The following ESYT2 variants were observed in gnomAD, a reference collection of about 807,000 sequenced individuals.
ESYT2 encodes the protein extended synaptotagmin 2.
In ESYT2, 54 loss-of-function variants were observed where a neutral mutation model predicts 107.2. The observed-to-expected ratio is 0.50, with a 90% CI of 0.40 to 0.63. The LOEUF is 0.63. Among genes scored for constraint, ESYT2 ranks in the 30% least tolerant of loss-of-function variants. The pLI is 0.00. For synonymous variants in ESYT2, 491 were observed against 434.1 expected (o/e 1.13, Z -1.63); for missense variants, 1,020 against 1,094.5 (o/e 0.93, Z 0.96).
intron 6 of ESYT2, among the ~76,000 whole-genome samples, chr7:158,778,801 G>A (rs1175663734): frequency 6.6e-6 from 1 of 151,416 alleles, no homozygotes; most frequent in Non-Finnish European, 1.5e-5. Flanking sequence ...CGTGTATAAA[G>A]GTGCTATGTA....
At chr7:158,797,584 G>A (rs561937433) in intron 3 of ESYT2, among the ~76,000 whole-genome samples, 36 of 152,142 alleles carry the variant, frequency 2.4e-4, no homozygotes, top group South Asian at 2.1e-4. Context: ...GGCCAGGCGC[G>A]GTGGCTCACA....
chr7:158,745,216 C>T (rs1587379043), intron 16 of ESYT2, among the ~76,000 whole-genome samples: 2 of 143,588 alleles, frequency 1.4e-5, no homozygotes, highest in Non-Finnish European at 3.1e-5. Context: ...TCTAATGAGA[C>T]AGGGTCAGGC....
intron 15 of ESYT2, among the ~76,000 whole-genome samples, chr7:158,748,836 C>T (rs990988801): frequency 6.6e-6 from 1 of 151,878 alleles, no homozygotes; most frequent in Non-Finnish European, 1.5e-5. Context: ...TCCCCTGCTG[C>T]AGCCTCCCAA....
At chr7:158,796,268 TAGAAAA>T (rs1839455033) in intron 3 of ESYT2, among the ~76,000 whole-genome samples, 1 of 152,152 alleles carries the variant, frequency 6.6e-6, no homozygotes. Context: ...GATTTAAAAA[TAGAAAA>T]AGAAAAACTT....
chr7:158,807,316 A>C (rs1234315218), intron 1 of ESYT2, among the ~76,000 whole-genome samples: 1 of 151,118 alleles, frequency 6.6e-6, no homozygotes, highest in African/African-American at 2.4e-5. Flanking sequence ...ATCTACATGG[A>C]TTCAGAATTA....
rs537925603 is a variant in ESYT2, at chr7:158,740,943, C to T, written c.2168+580G>A. ...TCAAAGGTCAATTTTGTTTCTTCCA[C>T]CAAGAGGAAAAGGTTAACATCTGAA... is the stretch of plus-strand genomic sequence containing the variant. On this transcript the variant is annotated intron_variant, in intron 18 of 22. Transcript: ENST00000275418. Among the ~76,000 whole-genome samples the T allele has an allele frequency of 6.2e-4, 95 of 152,302 alleles. 1 individual carries two copies. The highest frequency in any genetic ancestry group is 1.7e-3 in the South Asian group (8 of 4,828).
At position 158,740,866 on chromosome 7, in the gene ESYT2, A is replaced by G. The variant is rs143306196; in HGVS notation, c.2168+657T>C. ...CACCTTTGCCTCCGTTTCTGTTACT[A>G]TTTTCTTATTATTCAACACACCTCT... is the stretch of plus-strand genomic sequence containing the variant. On this transcript the variant is annotated intron_variant, in intron 18 of 22. Transcript: ENST00000275418. 8.5e-5 allele frequency among the ~76,000 whole-genome samples: 13 copies of G among 152,196 alleles called. No homozygotes were observed. In the East Asian group the frequency reaches 1.2e-3, roughly 14 times the overall value.
At chr7:158,804,331 CCGCCGAGAAGGG>C (rs1839746476) in intron 1 of ESYT2, among the ~76,000 whole-genome samples, 1 of 140,556 alleles carries the variant, frequency 7.1e-6, no homozygotes, top group East Asian at 2.2e-4. Context: ...CAAACCCAAA[CCGCCGAGAAGGG>C]TGAGGCGCGT....
intron 1 of ESYT2, among the ~76,000 whole-genome samples, chr7:158,820,352 G>C (rs1840256288): frequency 6.6e-6 from 1 of 152,166 alleles, no homozygotes; most frequent in South Asian, 2.1e-4. Context: ...ACTAAGAGTA[G>C]ATTTTCTAGT....
intron 6 of ESYT2, among the ~76,000 whole-genome samples, chr7:158,777,337 A>C (rs1436427284): frequency 6.6e-6 from 1 of 152,150 alleles, no homozygotes; most frequent in Non-Finnish European, 1.5e-5. Flanking sequence ...TACGACATTT[A>C]CCAATTAACC....
At chr7:158,803,795 A>G (rs13235959) in intron 1 of ESYT2, among the ~76,000 whole-genome samples, 9,093 of 137,050 alleles carry the variant, frequency 0.066, 448 homozygotes, top group African/African-American at 0.079. Context: ...GAGGCGCGTG[A>G]CAAACCCAAA....
At chr7:158,827,895 G>T (rs574124277) in intron 1 of ESYT2, among the ~76,000 whole-genome samples, 1 of 152,288 alleles carries the variant, frequency 6.6e-6, no homozygotes, top group Non-Finnish European at 1.5e-5. Flanking sequence ...CCAAGTCATG[G>T]CTAAGAAAGA....
chr7:158,813,138 C>A (rs1840035971), intron 1 of ESYT2, among the ~76,000 whole-genome samples: 1 of 152,062 alleles, frequency 6.6e-6, no homozygotes, highest in African/African-American at 2.4e-5. Context: ...CACAGAAGAA[C>A]CTAAAATGCA....
chr7:158,755,709 G>A (rs1427371673), intron 13 of ESYT2, among the ~76,000 whole-genome samples: 2 of 152,208 alleles, frequency 1.3e-5, no homozygotes, highest in African/African-American at 4.8e-5. Context: ...CAGCCAGAGA[G>A]ACTATGGTTA....
intron 7 of ESYT2, among the ~76,000 whole-genome samples, chr7:158,770,350 C>T (rs1315328721): frequency 6.6e-6 from 1 of 151,500 alleles, no homozygotes; most frequent in Non-Finnish European, 1.5e-5. Context: ...ATAAAATCTA[C>T]ATAATTGTGC....
chr7:158,779,298 G>C (rs1391413007), intron 6 of ESYT2, among the ~76,000 whole-genome samples: 1 of 152,166 alleles, frequency 6.6e-6, no homozygotes, highest in Non-Finnish European at 1.5e-5. Flanking sequence ...TTGAGCCCAG[G>C]AGTGTGAGGC....
intron 6 of ESYT2, among the ~76,000 whole-genome samples, chr7:158,779,328 C>CT (rs1838688379): frequency 6.6e-6 from 1 of 152,154 alleles, no homozygotes; most frequent in African/African-American, 2.4e-5. Flanking sequence ...GTGCTCCACT[C>CT]TATGATTCCT....
rs1838419485 is a variant in ESYT2 at position 158,772,832 on chromosome 7, C to G, written c.803+509G>C. 2.0e-5 allele frequency among the ~76,000 whole-genome samples: 3 copies of G among 150,176 alleles called. No homozygotes were observed. In the South Asian group the frequency reaches 6.3e-4, roughly 32 times the overall value. The stretch of plus-strand genomic sequence containing the variant: ...TCCTCACCTCTCACACTCAAGAGTT[C>G]TGGCGAAGTCCAGAAGTCCACACTG... On this transcript the variant is annotated intron_variant, in intron 7 of 22. Transcript: ENST00000275418.
At position 158,731,210 on chromosome 7, in the gene ESYT2, G is replaced by A. The variant is rs2129470950; in HGVS notation, c.*2997C>T. 6.6e-6 allele frequency: 1 copy of A among 152,292 alleles called. No homozygotes were observed. The highest frequency in any genetic ancestry group is 2.1e-4 in the South Asian group (1 of 4,826). 9.4% of individuals were successfully genotyped at this position (152,292 alleles called of 1,614,324 possible). ...GCATTTGGCTTATGTGCCTGAAAAA[G>A]AAGGGCCGACCTCTTGATAAAGAAT... On this transcript the variant is annotated 3_prime_UTR_variant, in exon 23 of 23. Coordinates refer to ENST00000275418, the MANE Select transcript of ESYT2 (RefSeq NM_001367773.1).
Sources: allele counts gnomAD v4.1 joint callset (sites outside exome capture counted in the v4.1 genomes callset), GRCh38; gene constraint gnomAD v4.1.1; transcripts MANE v1.5; gene names NCBI Gene and HGNC (gene_info 2026-07-23, HGNC 2026-07-21).